CTNND2: variants seen among roughly 807,000 people sequenced by gnomAD.
CTNND2 encodes catenin delta 2.
A neutral mutation model predicts 144.4 loss-of-function variants in CTNND2; 22 were observed. The observed-to-expected ratio is 0.15, with a 90% CI of 0.11 to 0.22. The LOEUF (loss-of-function observed/expected upper bound fraction) is 0.22, where lower values mean the gene tolerates loss of function less well. Ranked by LOEUF, CTNND2 falls within the 10% of genes least tolerant of loss-of-function variation. The pLI is 1.00. For missense variants in CTNND2, 1,353 were observed against 1,618.8 expected, an observed-to-expected ratio of 0.84 and a Z score of 2.82; for synonymous variants, 751 against 695.6, an observed-to-expected ratio of 1.08 and a Z score of -1.25.
intron 2 of CTNND2, among the ~76,000 whole-genome samples, chr5:11,653,069 T>G (rs1782724181): frequency 1.9e-5 from 2 of 105,216 alleles, no homozygotes; most frequent in African/African-American, 7.6e-5. Flanking sequence ...TGAACAAAAT[T>G]CGTGTGTGTG....
chr5:11,706,486 A>C (rs2126681087), intron 2 of CTNND2, among the ~76,000 whole-genome samples: 1 of 152,310 alleles, frequency 6.6e-6, no homozygotes, highest in South Asian at 2.1e-4. Flanking sequence ...ATAAAGTTTA[A>C]CATGTTTTGG....
At chr5:11,493,480 G>C (rs1769644846) in intron 3 of CTNND2, among the ~76,000 whole-genome samples, 1 of 152,178 alleles carries the variant, frequency 6.6e-6, no homozygotes, top group Non-Finnish European at 1.5e-5. Flanking sequence ...GTACACTTCT[G>C]CCATTGAATT....
intron 1 of CTNND2, among the ~76,000 whole-genome samples, chr5:11,795,568 T>C (rs1791357592): frequency 6.6e-6 from 1 of 151,984 alleles, no homozygotes; most frequent in Admixed American, 6.6e-5. Flanking sequence ...TGGTTAAATG[T>C]AGCGTGGGAG....
At chr5:11,098,880 G>T in intron 14 of CTNND2, 132 bp from the exon 15 acceptor site, 1 of 750,436 alleles carries the variant, frequency 1.3e-6, no homozygotes. Context: ...CTGCACGGAG[G>T]CTATTGCATC....
At chr5:11,765,879 T>A (rs188270310) in intron 1 of CTNND2, among the ~76,000 whole-genome samples, 2 of 152,366 alleles carry the variant, frequency 1.3e-5, no homozygotes, top group East Asian at 3.9e-4. Context: ...AAATGCTATA[T>A]GTTCATTACA....
intron 3 of CTNND2, among the ~76,000 whole-genome samples, chr5:11,486,143 A>G (rs1025015170): frequency 6.6e-6 from 1 of 152,200 alleles, no homozygotes; most frequent in African/African-American, 2.4e-5. Context: ...TCCATTTCAG[A>G]ATGACCAGGG....
At chr5:11,074,149 T>A (rs1748658445) in intron 16 of CTNND2, among the ~76,000 whole-genome samples, 1 of 152,206 alleles carries the variant, frequency 6.6e-6, no homozygotes, top group South Asian at 2.1e-4. Context: ...AGAAGGTGCC[T>A]ACAGTGCCAC....
At chr5:11,477,508 C>T (rs966234930) in intron 3 of CTNND2, among the ~76,000 whole-genome samples, 4 of 151,850 alleles carry the variant, frequency 2.6e-5, no homozygotes, top group Admixed American at 1.3e-4. Flanking sequence ...AACTCCTGGG[C>T]TCAAGTGATC....
intron 2 of CTNND2, among the ~76,000 whole-genome samples, chr5:11,662,249 ATGTGTGTATATATGTGTGTG>A (rs1783298068): frequency 7.5e-6 from 1 of 133,384 alleles, no homozygotes; most frequent in African/African-American, 3.4e-5. Flanking sequence ...ATATACATAT[ATGTGTGTATATATGTGTGTG>A]TGTGTATATA....
intron 3 of CTNND2, among the ~76,000 whole-genome samples, chr5:11,548,890 A>G (rs1251476533): frequency 6.6e-6 from 1 of 152,200 alleles, no homozygotes; most frequent in Non-Finnish European, 1.5e-5. Flanking sequence ...CATAAAACTA[A>G]ATTCTGATTA....
chr5:11,626,965 C>A (rs1781188211), intron 2 of CTNND2, among the ~76,000 whole-genome samples: 1 of 152,038 alleles, frequency 6.6e-6, no homozygotes, highest in African/African-American at 2.4e-5. Context: ...AAAGTGAGAG[C>A]CTTATTTCAT....
intron 9 of CTNND2, among the ~76,000 whole-genome samples, chr5:11,250,491 C>CTATATATATATA (rs1285130441): frequency 1.1e-4 from 7 of 64,108 alleles, no homozygotes; most frequent in South Asian, 7.3e-4. Context: ...CTCTCTCTCT[C>CTATATATATATA]TATATATATA....
intron 3 of CTNND2, among the ~76,000 whole-genome samples, chr5:11,442,386 A>C (rs957056490): frequency 3.9e-5 from 6 of 152,204 alleles, no homozygotes; most frequent in African/African-American, 1.4e-4. Flanking sequence ...GATTTTGCTT[A>C]GTGGTTCAGT....
intron 11 of CTNND2, among the ~76,000 whole-genome samples, chr5:11,186,887 A>G (rs545239871): frequency 1.3e-5 from 2 of 152,346 alleles, no homozygotes; most frequent in South Asian, 4.1e-4. Context: ...GACTTTAAGC[A>G]TGCCCCTTAC....
At chr5:11,615,417 G>T (rs1486947417) in intron 2 of CTNND2, among the ~76,000 whole-genome samples, 1 of 152,092 alleles carries the variant, frequency 6.6e-6, no homozygotes, top group Non-Finnish European at 1.5e-5. Context: ...AAAAAATTAT[G>T]TTCTTAAAAA....
intron 9 of CTNND2, among the ~76,000 whole-genome samples, chr5:11,296,237 C>T (rs369733250): frequency 6.6e-6 from 1 of 152,056 alleles, no homozygotes; most frequent in South Asian, 2.1e-4. Flanking sequence ...AAAAAATGCT[C>T]ACCATCACTG....
At chr5:11,074,715 G>T (rs1561262713) in intron 16 of CTNND2, among the ~76,000 whole-genome samples, 1 of 152,140 alleles carries the variant, frequency 6.6e-6, no homozygotes, top group Non-Finnish European at 1.5e-5. Flanking sequence ...TTCTCACTAA[G>T]TAAAGACCTG....
intron 9 of CTNND2, among the ~76,000 whole-genome samples, chr5:11,308,582 T>A (rs1750493030): frequency 6.6e-6 from 1 of 152,206 alleles, no homozygotes. Context: ...AAACTCAAAA[T>A]TAGTGATGAA....
intron 15 of CTNND2, among the ~76,000 whole-genome samples, chr5:11,090,067 G>C (rs1366535123): frequency 6.6e-6 from 1 of 152,204 alleles, no homozygotes; most frequent in Non-Finnish European, 1.5e-5. Flanking sequence ...TTGGGAGTGT[G>C]TTCTAAAGCC....
Sources: gnomAD v4.1 joint callset for allele counts (sites outside exome capture counted in the v4.1 genomes callset) on GRCh38, gnomAD v4.1.1 for gene constraint, MANE v1.5 for transcripts, NCBI Gene and HGNC (gene_info 2026-07-23, HGNC 2026-07-21) for gene names.